NUP62: variants seen among roughly 807,000 people sequenced by gnomAD.
The protein encoded by NUP62 is nucleoporin 62.
For synonymous variants in NUP62, 305 were observed against 303.4 expected, an observed-to-expected ratio of 1.01 and a Z score of -0.05; for missense variants, 647 against 689.4, an observed-to-expected ratio of 0.94 and a Z score of 0.69.
intron 2 of NUP62, among the ~76,000 whole-genome samples, chr19:49,913,644 T>G (rs373842717): frequency 6.6e-6 from 1 of 152,228 alleles, no homozygotes; most frequent in Non-Finnish European, 1.5e-5. Flanking sequence ...CTGGTCTCCC[T>G]TGGGGCTTTT....
At chr19:49,926,313 T>G (rs1226325587) in intron 2 of NUP62, among the ~76,000 whole-genome samples, 1 of 150,944 alleles carries the variant, frequency 6.6e-6, no homozygotes, top group East Asian at 2.0e-4. Flanking sequence ...GTGGATCACC[T>G]GAAGTCAGGA....
chr19:49,914,565 G>T (rs1422243131), intron 2 of NUP62, among the ~76,000 whole-genome samples: 1 of 152,034 alleles, frequency 6.6e-6, no homozygotes, highest in East Asian at 1.9e-4. Flanking sequence ...TGGGAACCCG[G>T]AGGAAGACCC....
intron 2 of NUP62, among the ~76,000 whole-genome samples, chr19:49,915,723 T>C (rs1299055103): frequency 6.6e-6 from 1 of 152,178 alleles, no homozygotes; most frequent in Admixed American, 6.5e-5. Flanking sequence ...CCCTTGTGCA[T>C]GGAGACCAAG....
intron 2 of NUP62, among the ~76,000 whole-genome samples, chr19:49,926,018 G>A (rs2075877708): frequency 1.3e-5 from 2 of 152,050 alleles, no homozygotes; most frequent in Non-Finnish European, 2.9e-5. Flanking sequence ...AGACCAGCCT[G>A]ACCAACATGG....
rs562261110 is a variant in NUP62 at position 49,924,416 on chromosome 19, T to C, written c.-78+3278A>G. 4.3e-3 allele frequency among the ~76,000 whole-genome samples: 650 copies of C among 152,214 alleles called. 12 individuals are homozygous for C. Among genetic ancestry groups the C allele is most frequent in the Non-Finnish European group, 7.2e-3 (492 of 67,996 alleles). On this transcript the variant is annotated intron_variant, in intron 2 of 2. Coordinates refer to ENST00000352066, the MANE Select transcript of NUP62 (RefSeq NM_016553.5). Reference sequence around the variant, plus strand: ...CCAAGGCTCTGCTAACCGGGAGCGGTTGCCAGGTGTGCTGGGGTCCCCAGA... The same window carrying C: ...CCAAGGCTCTGCTAACCGGGAGCGGCTGCCAGGTGTGCTGGGGTCCCCAGA...
intron 2 of NUP62, among the ~76,000 whole-genome samples, chr19:49,913,431 G>A (rs1468906026): frequency 6.6e-6 from 1 of 152,194 alleles, no homozygotes; most frequent in African/African-American, 2.4e-5. Flanking sequence ...CCTAGAGTGG[G>A]GGCTTTGGGT....
rs2075402564 is a variant in NUP62 at position 49,909,356 on chromosome 19, G to A, written c.452C>T (p.Pro151Leu). The stretch of plus-strand genomic sequence containing the variant: ...TGAGAAGCCTCCAGATGTGGTAGCT[G>A]GAGCCACAGAGGTGGTGGAGGGGCC... Reference protein sequence around the residue: ...VFGPSTTSVAPATTSGGFSFT... With the variant: ...VFGPSTTSVALATTSGGFSFT... The change falls in exon 3 of 3, where the codon CCA (proline) becomes CTA (leucine). Residue 151 changes from proline to leucine, a missense_variant. Pro to Leu is a moderately conservative substitution (Grantham distance 98). Transcript: ENST00000352066. 6.2e-7 allele frequency: 1 copy of A among 1,613,862 alleles called. No homozygotes were observed. The highest frequency in any genetic ancestry group is 8.5e-7 in the Non-Finnish European group (1 of 1,180,008).
At chr19:49,927,366 T>C (rs748282914) in intron 2 of NUP62, among the ~76,000 whole-genome samples, 27 of 152,062 alleles carry the variant, frequency 1.8e-4, no homozygotes, top group Non-Finnish European at 2.9e-4. Flanking sequence ...ACACATAACA[T>C]ACACTATTGA....
chr19:49,910,093 G>A (rs1395362991), intron 2 of NUP62, among the ~76,000 whole-genome samples: 4 of 152,092 alleles, frequency 2.6e-5, no homozygotes, highest in South Asian at 2.1e-4. Context: ...TGCTAGGGAC[G>A]TGCGTGGCCA....
chr19:49,929,007 G>A (rs139891865), intron 1 of NUP62: 1 of 152,474 alleles, frequency 6.6e-6, no homozygotes, highest in Non-Finnish European at 1.5e-5. Context: ...GAGGGAAGAG[G>A]TCGGATCCCC....
chr19:49,918,895 T>TGGG lies in NUP62; in HGVS notation c.-78+8796_-78+8798dup, dbSNP rs56129490. 6.6e-4 allele frequency among the ~76,000 whole-genome samples: 48 copies of TGGG among 72,314 alleles called. No individual in the cohort carries two copies. In the South Asian group the frequency reaches 0.014, roughly 21 times the overall value. The allele number at this position is 72,314 out of a possible 152,430, so 47.4% of individuals were successfully genotyped here. A position where few individuals can be genotyped will look rare whatever the true frequency, so the allele number is the denominator to read the frequency against. ...CTGCAATCCCAGCACTTTGGGAGGCTGGGGGGGGGGGGGCGGGGTGTGGGG... is the reference window on the plus strand; with the variant it reads ...CTGCAATCCCAGCACTTTGGGAGGCTGGGGGGGGGGGGGGGGCGGGGTGTGGGG... On this transcript the variant is annotated intron_variant, in intron 2 of 2. Coordinates refer to ENST00000352066, the MANE Select transcript of NUP62 (RefSeq NM_016553.5).
intron 2 of NUP62, 70 bp from the exon 3 acceptor site, chr19:49,909,954 C>T: frequency 3.7e-6 from 3 of 816,804 alleles, no homozygotes; most frequent in South Asian, 2.9e-5. Flanking sequence ...TGACTGGGCA[C>T]AGTCGGTTTG....
At position 49,909,472 on chromosome 19, in the gene NUP62, G is replaced by A. The variant is rs201789349; in HGVS notation, c.336C>T (p.Ser112=). ...GGTTGCTGCTGCCCAGCCCAAAGCC[G>A]CTGGGGTTTGCCATGGCTGGGGTGG... is the stretch of plus-strand genomic sequence containing the variant. ...TAATPAMANP[S]GFGLGSSNLT... is the part of the protein sequence containing the mutation. Residue 112 remains serine, a synonymous_variant, in exon 3 of 3, where the codon AGC becomes AGT. Transcript: ENST00000352066. 3.4e-5 allele frequency: 55 copies of A among 1,614,166 alleles called. No homozygotes were observed. The East Asian group carries it at 9.4e-4, about 27-fold the overall frequency.
intron 2 of NUP62, among the ~76,000 whole-genome samples, chr19:49,920,586 G>C (rs2075742056): frequency 6.6e-6 from 1 of 152,226 alleles, no homozygotes; most frequent in Admixed American, 6.5e-5. Flanking sequence ...GCCTCCATGA[G>C]GCTGTGGAGG....
chr19:49,916,618 G>A (rs556021565), intron 2 of NUP62, among the ~76,000 whole-genome samples: 1 of 152,062 alleles, frequency 6.6e-6, no homozygotes, highest in South Asian at 2.1e-4. Context: ...AAAAAAATTA[G>A]CCAGGCGTGG....
Position 49,907,742 on chromosome 19 carries a change from G to T in NUP62, c.*497C>A, listed in dbSNP as rs1345088320. On this transcript the variant is annotated 3_prime_UTR_variant, in exon 3 of 3. Transcript: ENST00000352066. ...GTAGAGACGGGGTTTCACCATGTTGGCCAGGCTGGTCTCGAACTCCTGACC... is the reference window on the plus strand; with the variant it reads ...GTAGAGACGGGGTTTCACCATGTTGTCCAGGCTGGTCTCGAACTCCTGACC... The T allele has an allele frequency of 5.9e-6, 2 of 339,816 alleles. No individual in the cohort carries two copies. Among genetic ancestry groups the T allele is most frequent in the East Asian group, 1.7e-4 (2 of 11,592 alleles). The allele number at this position is 339,816 out of a possible 1,614,324, so 21.1% of individuals were successfully genotyped here. A position where few individuals can be genotyped will look rare whatever the true frequency, so the allele number is the denominator to read the frequency against.
At chr19:49,913,844 G>A (rs576467365) in intron 2 of NUP62, among the ~76,000 whole-genome samples, 9 of 152,114 alleles carry the variant, frequency 5.9e-5, no homozygotes, top group Non-Finnish European at 7.3e-5. Context: ...CCATGCTAAC[G>A]GTTCGGGCGT....
Position 49,909,391 on chromosome 19 carries a change from G to C in NUP62, c.417C>G (p.Gly139=). The C allele has an allele frequency of 6.2e-7, 1 of 1,613,818 alleles. No homozygotes were observed. Among genetic ancestry groups the C allele is most frequent in the Non-Finnish European group, 8.5e-7 (1 of 1,180,036 alleles). Reference sequence around the variant, plus strand: ...AGGTGGTGGAGGGGCCAAACACAAAGCCGGTGGGTGCTGTGCCCTGGCTGG... The same window carrying C: ...AGGTGGTGGAGGGGCCAAACACAAACCCGGTGGGTGCTGTGCCCTGGCTGG... ...VTSSQGTAPT[G]FVFGPSTTSV... Residue 139 remains glycine, a synonymous_variant, in exon 3 of 3, where the codon GGC becomes GGG. Transcript: ENST00000352066.
In NUP62 at chr19:49,909,552, T is replaced by C; in HGVS notation, c.256A>G (p.Thr86Ala). 1.9e-6 allele frequency: 3 copies of C among 1,614,132 alleles called. No individual in the cohort carries two copies. Among genetic ancestry groups the C allele is most frequent in the Non-Finnish European group, 2.5e-6 (3 of 1,180,016 alleles). ...GCACCGATCCCCAAAGAAAATCCAG[T>C]TCCCCCCGAAGCAAGAGTCGCTGTT... Reference protein sequence around the residue: ...FGTATLASGGTGFSLGIGASK... With the variant: ...FGTATLASGGAGFSLGIGASK... Residue 86 changes from threonine to alanine, a missense_variant, in exon 3 of 3, where the codon ACT becomes GCT. Coordinates refer to ENST00000352066, the MANE Select transcript of NUP62 (RefSeq NM_016553.5).
Sources: allele counts gnomAD v4.1 joint callset (sites outside exome capture counted in the v4.1 genomes callset), GRCh38; gene constraint gnomAD v4.1.1; transcripts MANE v1.5; gene names NCBI Gene and HGNC (gene_info 2026-07-23, HGNC 2026-07-21).